The following ANKRD6 variants were observed in gnomAD, a reference collection of about 807,000 sequenced individuals.
ANKRD6 encodes ankyrin repeat domain-containing protein 6.
ANKRD6 carries 56 observed loss-of-function variants against 82.3 expected under a neutral mutation model. The observed-to-expected ratio is 0.68, with a 90% confidence interval of 0.55 to 0.85. The LOEUF is 0.85. Among genes scored for constraint, ANKRD6 ranks in the 40% least tolerant of loss-of-function variants. ANKRD6 has a pLI of 0.00. For synonymous variants in ANKRD6, 347 were observed against 352.1 expected (o/e 0.99, Z 0.16); for missense variants, 852 against 907.6 (o/e 0.94, Z 0.79).
intron 10 of ANKRD6, among the ~76,000 whole-genome samples, chr6:89,622,483 C>G (rs1299863156): frequency 2.0e-5 from 3 of 152,212 alleles, no homozygotes; most frequent in African/African-American, 7.2e-5. Flanking sequence ...TGTGTTGGAA[C>G]AAGCCCTCCA....
intron 1 of ANKRD6, among the ~76,000 whole-genome samples, chr6:89,490,518 G>A (rs1214795637): frequency 6.6e-6 from 1 of 152,240 alleles, no homozygotes; most frequent in African/African-American, 2.4e-5. Flanking sequence ...ACAAAGATGA[G>A]TGACATGGGC....
chr6:89,475,754 G>A (rs904344085), intron 1 of ANKRD6, among the ~76,000 whole-genome samples: 8 of 152,182 alleles, frequency 5.3e-5, no homozygotes, highest in African/African-American at 1.9e-4. Flanking sequence ...CCCAGATGTG[G>A]AAATGCTCAA....
At chr6:89,452,552 A>C (rs1772971238) in intron 1 of ANKRD6, among the ~76,000 whole-genome samples, 1 of 152,252 alleles carries the variant, frequency 6.6e-6, no homozygotes, top group African/African-American at 2.4e-5. Flanking sequence ...CACTAGGATC[A>C]GGGAGGCAAA....
chr6:89,453,958 C>T (rs549628865), intron 1 of ANKRD6, among the ~76,000 whole-genome samples: 1 of 151,922 alleles, frequency 6.6e-6, no homozygotes, highest in Non-Finnish European at 1.5e-5. Context: ...CCTGCCACCA[C>T]GCCCGGCTAA....
At chr6:89,625,139 C>T (rs762429472) in intron 13 of ANKRD6, among the ~76,000 whole-genome samples, 20 of 152,020 alleles carry the variant, frequency 1.3e-4, no homozygotes, top group Non-Finnish European at 2.1e-4. Context: ...AAAAATTAGC[C>T]TGGTGTGGTG....
intron 1 of ANKRD6, among the ~76,000 whole-genome samples, chr6:89,468,867 CCCTT>C (rs1279745983): frequency 1.3e-5 from 2 of 152,092 alleles, no homozygotes; most frequent in Non-Finnish European, 2.9e-5. Flanking sequence ...CTTAGCTTCT[CCCTT>C]CCTTTCCTCC....
Position 89,626,753 on chromosome 6 carries a change from G to A in ANKRD6, c.1372-830G>A, listed in dbSNP as rs192391000. ...AAAGTTTGGCCCTCCTAGGTGTAGGGGTCCCACAGGAAATGCCAAGATGAA... is the reference window on the plus strand; with the variant it reads ...AAAGTTTGGCCCTCCTAGGTGTAGGAGTCCCACAGGAAATGCCAAGATGAA... On this transcript the variant is annotated intron_variant, in intron 13 of 15. Transcript: ENST00000339746. Among the ~76,000 whole-genome samples the A allele has an allele frequency of 5.4e-3, 818 of 152,254 alleles. 37 individuals are homozygous for A. The East Asian group carries it at 0.098, about 18-fold the overall frequency.
chr6:89,433,395 G>C lies in ANKRD6; in HGVS notation c.-144+20G>C, dbSNP rs939315232. ...AGAAAGGTACCAGGCGACCTCGCCG[G>C]CTCCCTGGGACCCCCGCTTACACCG... On this transcript the variant is annotated intron_variant, in intron 1 of 15. Transcript: ENST00000339746. This position sits in a 1 kb window ranked among gnomAD's most constrained non-coding sequence, Gnocchi z 4.3. 3 of 152,208 alleles carry C rather than the reference G, an allele frequency of 2.0e-5. No individual in the cohort carries two copies. Among genetic ancestry groups the C allele is most frequent in the Non-Finnish European group, 4.4e-5 (3 of 68,044 alleles). 9.4% of individuals were successfully genotyped at this position (152,208 alleles called of 1,614,324 possible).
intron 1 of ANKRD6, among the ~76,000 whole-genome samples, chr6:89,524,473 C>T (rs1310384984): frequency 2.6e-5 from 4 of 152,242 alleles, no homozygotes; most frequent in Admixed American, 6.5e-5. Context: ...GCCATTATTT[C>T]GTTTCTTACT....
Position 89,623,560 on chromosome 6 carries a change from A to G in ANKRD6, c.1032+16A>G. 1 of 1,573,310 alleles carries G rather than the reference A, an allele frequency of 6.4e-7. No homozygotes were observed. The highest frequency in any genetic ancestry group is 1.2e-5 in the South Asian group (1 of 85,618). ...AAGGCCCAAGGTCAGGAGACACAGA[A>G]AGCAGCCCAGAGGGGTGGCTGGGAG... On this transcript the variant is annotated intron_variant, in intron 11 of 15. Transcript: ENST00000339746.
At chr6:89,574,816 A>AGGAG (rs1302981928) in intron 2 of ANKRD6, among the ~76,000 whole-genome samples, 1 of 152,200 alleles carries the variant, frequency 6.6e-6, no homozygotes, top group Non-Finnish European at 1.5e-5. Flanking sequence ...ACAGGAGGCA[A>AGGAG]GGAGGAAAGT....
At chr6:89,577,309 G>T (rs1791339693) in intron 2 of ANKRD6, among the ~76,000 whole-genome samples, 3 of 152,052 alleles carry the variant, frequency 2.0e-5, no homozygotes, top group South Asian at 4.2e-4. Flanking sequence ...TCTCAACTCT[G>T]TGTCTTTCTA....
intron 9 of ANKRD6, 29 bp from the exon 10 acceptor site, chr6:89,621,893 G>A: frequency 1.2e-6 from 2 of 1,605,304 alleles, no homozygotes; most frequent in Non-Finnish European, 1.7e-6. Context: ...CACACCAGTG[G>A]TTGTAACAAT....
At position 89,483,602 on chromosome 6, in the gene ANKRD6, T is replaced by C. The variant is rs565825411; in HGVS notation, c.-144+50227T>C. The stretch of plus-strand genomic sequence containing the variant: ...AAAACTGTTCCATTTTGCACTGTGG[T>C]TGTCGACAGCAAGCTTCTCCCAGCT... On this transcript the variant is annotated intron_variant, in intron 1 of 15. Coordinates refer to ENST00000339746, the MANE Select transcript of ANKRD6 (RefSeq NM_001242809.2). 2.0e-5 allele frequency: 3 copies of C among 152,366 alleles called. No individual in the cohort carries two copies. In the South Asian group the frequency reaches 6.2e-4, roughly 32 times the overall value. 9.4% of individuals were successfully genotyped at this position (152,366 alleles called of 1,614,324 possible). A position where few individuals can be genotyped will look rare whatever the true frequency, so the allele number is the denominator to read the frequency against.
intron 1 of ANKRD6, among the ~76,000 whole-genome samples, chr6:89,526,628 C>CA (rs1782536365): frequency 1.3e-5 from 2 of 152,098 alleles, no homozygotes; most frequent in Non-Finnish European, 2.9e-5. Flanking sequence ...TCAGGGTTCT[C>CA]CGAGAAACAG....
At chr6:89,574,543 C>T (rs1790684007) in intron 2 of ANKRD6, among the ~76,000 whole-genome samples, 1 of 152,232 alleles carries the variant, frequency 6.6e-6, no homozygotes, top group African/African-American at 2.4e-5. Flanking sequence ...AAGGTACTCA[C>T]ATCCCATCTG....
chr6:89,493,052 GTGTGAATA>G (rs1184062084), intron 1 of ANKRD6, among the ~76,000 whole-genome samples: 1 of 152,160 alleles, frequency 6.6e-6, no homozygotes, highest in Admixed American at 6.5e-5. Context: ...CAAATGATAG[GTGTGAATA>G]TATGGCTCCA....
chr6:89,610,076 T>C (rs1583734576), intron 5 of ANKRD6, among the ~76,000 whole-genome samples: 1 of 152,046 alleles, frequency 6.6e-6, no homozygotes, highest in African/African-American at 2.4e-5. Flanking sequence ...CTACTCAGGG[T>C]GGGGAAAAAC....
intron 1 of ANKRD6, among the ~76,000 whole-genome samples, chr6:89,556,382 A>AC (rs1461929693): frequency 1.5e-4 from 23 of 152,340 alleles, no homozygotes; most frequent in African/African-American, 5.5e-4. Flanking sequence ...GAACTAGCTG[A>AC]CCAGCTTGTG....
Sources: allele counts gnomAD v4.1 joint callset (sites outside exome capture counted in the v4.1 genomes callset), GRCh38; gene constraint gnomAD v4.1.1; non-coding constraint Gnocchi (gnomAD v3.1); transcripts MANE v1.5; gene names NCBI Gene and HGNC (gene_info 2026-07-23, HGNC 2026-07-21).